GRID2: variants seen among roughly 807,000 people sequenced by gnomAD.
The protein encoded by GRID2 is glutamate ionotropic receptor delta type subunit 2.
A neutral mutation model predicts 114.8 loss-of-function variants in GRID2; 33 were observed. That is an observed-to-expected ratio of 0.29 (90% CI 0.22 to 0.38). The LOEUF is 0.38. Ranked by LOEUF, GRID2 falls within the 10% of genes least tolerant of loss-of-function variation. GRID2 has a pLI of 1.00. For synonymous variants in GRID2, 505 were observed against 449.9 expected (o/e 1.12, Z -1.55); for missense variants, 1,184 against 1,257.7 (o/e 0.94, Z 0.89).
chr4:92,920,609 C>T lies in GRID2; in HGVS notation c.245-164386C>T, dbSNP rs185726910. 3.9e-3 allele frequency among the ~76,000 whole-genome samples: 593 copies of T among 152,226 alleles called. 8 individuals carry two copies. The highest frequency in any genetic ancestry group is 0.014 in the African/African-American group (570 of 41,530). On this transcript the variant is annotated intron_variant, in intron 2 of 15. Transcript: ENST00000282020. ...TTTTATTTCTTCTTCACTTATGAGG[C>T]TTAGTTTGGCTGGATATGAAATTCT...
At chr4:93,101,755 C>G (rs999004390) in intron 3 of GRID2, among the ~76,000 whole-genome samples, 1 of 151,996 alleles carries the variant, frequency 6.6e-6, no homozygotes, top group Non-Finnish European at 1.5e-5. Flanking sequence ...CAGCCACTAC[C>G]TCTTGGAGGA....
At chr4:92,834,191 C>T (rs955751417) in intron 2 of GRID2, among the ~76,000 whole-genome samples, 1 of 152,086 alleles carries the variant, frequency 6.6e-6, no homozygotes, top group African/African-American at 2.4e-5. Context: ...GTGTCAAAAG[C>T]TATTGCCATT....
chr4:92,916,615 G>GT (rs1748820045), intron 2 of GRID2, among the ~76,000 whole-genome samples: 1 of 152,032 alleles, frequency 6.6e-6, no homozygotes, highest in Non-Finnish European at 1.5e-5. Flanking sequence ...GTGGTGTTTG[G>GT]TTTTTTGTCC....
intron 1 of GRID2, among the ~76,000 whole-genome samples, chr4:92,522,704 T>A (rs1297896031): frequency 6.6e-6 from 1 of 152,044 alleles, no homozygotes; most frequent in East Asian, 2.0e-4. Context: ...GCAAGAGCAG[T>A]AGTCAAAGAT....
intron 4 of GRID2, among the ~76,000 whole-genome samples, chr4:93,204,723 A>G (rs1242673754): frequency 6.6e-6 from 1 of 152,226 alleles, no homozygotes; most frequent in Non-Finnish European, 1.5e-5. Context: ...AGTTATCATC[A>G]TAACTCTTAC....
intron 10 of GRID2, among the ~76,000 whole-genome samples, chr4:93,447,540 C>T (rs775585831): frequency 6.6e-6 from 1 of 151,856 alleles, no homozygotes; most frequent in Non-Finnish European, 1.5e-5. Flanking sequence ...ACAACTTTAT[C>T]GTAATTATTT....
chr4:93,204,300 C>T (rs1742432622), intron 4 of GRID2, among the ~76,000 whole-genome samples: 1 of 152,026 alleles, frequency 6.6e-6, no homozygotes, highest in Non-Finnish European at 1.5e-5. Flanking sequence ...CAGATAGACT[C>T]TTTCTTAAAA....
intron 12 of GRID2, among the ~76,000 whole-genome samples, chr4:93,493,199 T>C (rs146494552): frequency 3.5e-4 from 53 of 152,026 alleles, no homozygotes; most frequent in African/African-American, 1.2e-3. Context: ...AGTTCACATC[T>C]GACTTTGAAG....
Position 93,161,045 on chromosome 4 carries a change from G to A in GRID2, c.736-46359G>A, listed in dbSNP as rs146369352. Among the ~76,000 whole-genome samples, 94 of 151,914 alleles carry A rather than the reference G, an allele frequency of 6.2e-4. 1 individual carries two copies. Among genetic ancestry groups the A allele is most frequent in the African/African-American group, 2.0e-3 (84 of 41,494 alleles). ...TAGGCTCCATGTCAGGGCAGGTGAA[G>A]CTAATGGCTGTTTAGGACTGTAGCG... On this transcript the variant is annotated intron_variant, in intron 4 of 15. Transcript: ENST00000282020.
chr4:93,527,834 C>T (rs1731063544), intron 13 of GRID2, among the ~76,000 whole-genome samples: 1 of 152,076 alleles, frequency 6.6e-6, no homozygotes, highest in Non-Finnish European at 1.5e-5. Context: ...TCTTGCAAAA[C>T]TAAAACTCTG....
At chr4:92,644,386 G>T (rs576823108) in intron 2 of GRID2, among the ~76,000 whole-genome samples, 9 of 151,756 alleles carry the variant, frequency 5.9e-5, no homozygotes, top group East Asian at 1.9e-4. Context: ...ACAAGATGAA[G>T]AATTTGGAAC....
chr4:93,082,333 C>A (rs1729944207), intron 2 of GRID2, among the ~76,000 whole-genome samples: 1 of 152,110 alleles, frequency 6.6e-6, no homozygotes, highest in South Asian at 2.1e-4. Context: ...TACAAGACTC[C>A]ATTGTTTGCT....
chr4:93,676,918 C>G (rs1332014427), intron 14 of GRID2, among the ~76,000 whole-genome samples: 1 of 152,050 alleles, frequency 6.6e-6, no homozygotes, highest in African/African-American at 2.4e-5. Context: ...GAGTGCCAGA[C>G]AGTGGGAGCA....
chr4:93,301,024 T>G (rs72874980), intron 8 of GRID2, among the ~76,000 whole-genome samples: 8,225 of 152,250 alleles, frequency 0.054, 748 homozygotes, highest in African/African-American at 0.19. Flanking sequence ...CCCAGGCCTG[T>G]TTTCGGGCCT....
intron 2 of GRID2, among the ~76,000 whole-genome samples, chr4:92,629,201 A>ATT (rs201132236): frequency 6.6e-6 from 1 of 151,496 alleles, no homozygotes; most frequent in African/African-American, 2.4e-5. Flanking sequence ...AACCCATTGA[A>ATT]TTTTTTTTTC....
At chr4:92,586,355 TACACACACACACACAC>T (rs200184543) in intron 1 of GRID2, among the ~76,000 whole-genome samples, 32,063 of 145,954 alleles carry the variant, frequency 0.22, 3,703 homozygotes, top group South Asian at 0.3. Flanking sequence ...ACAAAAAATC[TACACACACACACACAC>T]ACACACACAC....
chr4:93,163,353 T>C (rs1237081063), intron 4 of GRID2, among the ~76,000 whole-genome samples: 1 of 47,686 alleles, frequency 2.1e-5, no homozygotes, highest in African/African-American at 1.0e-4. Context: ...ATTTTTTTTT[T>C]GTGTATATAT....
chr4:92,316,070 C>A (rs1197897974), intron 1 of GRID2, among the ~76,000 whole-genome samples: 2 of 147,718 alleles, frequency 1.4e-5, no homozygotes, highest in African/African-American at 5.1e-5. Flanking sequence ...GAATTAAAAT[C>A]CAGAAGACTG....
At chr4:92,507,983 C>T (rs763195419) in intron 1 of GRID2, among the ~76,000 whole-genome samples, 1 of 151,890 alleles carries the variant, frequency 6.6e-6, no homozygotes, top group African/African-American at 2.4e-5. Flanking sequence ...ACAAAAAATC[C>T]ACTTCTTTCA....
Sources: gnomAD v4.1 joint callset for allele counts (sites outside exome capture counted in the v4.1 genomes callset) on GRCh38, gnomAD v4.1.1 for gene constraint, MANE v1.5 for transcripts, NCBI Gene and HGNC (gene_info 2026-07-23, HGNC 2026-07-21) for gene names.